Variants in TDRD15 observed in about 807,000 individuals in gnomAD.
TDRD15 encodes the protein tudor domain containing 15, also known as tudor domain-containing protein 15.
For synonymous variants in TDRD15, 503 were observed against 314.5 expected, an observed-to-expected ratio of 1.60 and a Z score of -6.34; for missense variants, 1,416 against 904.7, an observed-to-expected ratio of 1.57 and a Z score of -7.25.
Position 21,141,126 on chromosome 2 carries a change from T to G in TDRD15, c.3659T>G (p.Val1220Gly), listed in dbSNP as rs1339685411. The change falls in exon 4 of 4, where the codon GTG becomes GGG. Residue 1220 changes from valine to glycine, a missense_variant. Physicochemically the swap from Val to Gly is moderately radical, Grantham distance 109. Coordinates refer to ENST00000405799, the MANE Select transcript of TDRD15 (RefSeq NM_001306137.2). ...KPSVCYKMEP[V>G]SKNKMKTSLN... Reference sequence around the variant, plus strand: ...TCAGTTTGTTATAAAATGGAACCTGTGTCAAAAAACAAAATGAAGACTTCT... The same window carrying G: ...TCAGTTTGTTATAAAATGGAACCTGGGTCAAAAAACAAAATGAAGACTTCT... 8 of 711,158 alleles carry G rather than the reference T, an allele frequency of 1.1e-5. No homozygotes were observed. Among genetic ancestry groups the G allele is most frequent in the Non-Finnish European group, 2.1e-5 (8 of 382,878 alleles). 44.1% of individuals were successfully genotyped at this position (711,158 alleles called of 1,614,324 possible). A position where few individuals can be genotyped will look rare whatever the true frequency, so the allele number is the denominator to read the frequency against.
In TDRD15 at chr2:21,144,276, T is replaced by A. The variant is rs1572304883; in HGVS notation, c.*1004T>A. On this transcript the variant is annotated 3_prime_UTR_variant, in exon 4 of 4. Transcript: ENST00000405799. ...TTATCCACATTACATTCATTTTCTG[T>A]ATGGATTAGTTACTGAGGATTTTGT... Among the ~76,000 whole-genome samples the A allele has an allele frequency of 6.6e-6, 1 of 151,874 alleles. No homozygotes were observed. The highest frequency in any genetic ancestry group is 1.5e-5 in the Non-Finnish European group (1 of 67,816).
At position 21,139,386 on chromosome 2, in the gene TDRD15, A is replaced by G. The variant is rs567941264; in HGVS notation, c.1919A>G (p.Asn640Ser). ...IAKKDDKYTV[N>S]IQSVEASENI... ...AAAAAAGATGACAAGTACACTGTAA[A>G]TATTCAAAGTGTTGAAGCCTCAGAA... The change falls in exon 4 of 4, where the codon AAT (asparagine) becomes AGT (serine). Residue 640 changes from asparagine to serine, a missense_variant. Transcript: ENST00000405799. 4.1e-5 allele frequency: 29 copies of G among 710,896 alleles called. No individual in the cohort carries two copies. In the East Asian group the frequency reaches 6.7e-4, roughly 16 times the overall value. 44.0% of individuals were successfully genotyped at this position (710,896 alleles called of 1,614,324 possible). A position where few individuals can be genotyped will look rare whatever the true frequency, so the allele number is the denominator to read the frequency against.
At position 21,139,955 on chromosome 2, in the gene TDRD15, A is replaced by G. The variant is rs186200950; in HGVS notation, c.2488A>G (p.Ile830Val). Reference sequence around the variant, plus strand: ...GACTCAAGTATCAAAAGAAGTTGACATAGTGTTTGTTGATTATGGTTACCA... The same window carrying G: ...GACTCAAGTATCAAAAGAAGTTGACGTAGTGTTTGTTGATTATGGTTACCA... ...VLTQVSKEVD[I>V]VFVDYGYQKR... The change falls in exon 4 of 4, where the codon ATA becomes GTA. Residue 830 changes from isoleucine (I) to valine (V), a missense_variant. Physicochemically the swap from Ile to Val is conservative, Grantham distance 29. Coordinates refer to ENST00000405799, the MANE Select transcript of TDRD15 (RefSeq NM_001306137.2). The G allele has an allele frequency of 1.4e-6, 1 of 715,926 alleles. No individual in the cohort carries two copies. Among genetic ancestry groups the G allele is most frequent in the African/African-American group, 1.7e-5 (1 of 57,250 alleles). 44.3% of individuals were successfully genotyped at this position (715,926 alleles called of 1,614,324 possible). A position where few individuals can be genotyped will look rare whatever the true frequency, so the allele number is the denominator to read the frequency against.
At chr2:21,125,790 C>G (rs1297896777) in intron 1 of TDRD15, among the ~76,000 whole-genome samples, 1 of 152,116 alleles carries the variant, frequency 6.6e-6, no homozygotes, top group Non-Finnish European at 1.5e-5. Context: ...ACACTTTCCT[C>G]TATTTGTATA....
chr2:21,142,952 ATAAATCTTAAAGTTG>A lies in TDRD15; in HGVS notation c.5487_5501del (p.Asn1830_Val1834del). 1 of 702,326 alleles carries A rather than the reference ATAAATCTTAAAGTTG, an allele frequency of 1.4e-6. No homozygotes were observed. Among genetic ancestry groups the A allele is most frequent in the Non-Finnish European group, 2.6e-6 (1 of 380,380 alleles). The allele number at this position is 702,326 out of a possible 1,614,324, so 43.5% of individuals were successfully genotyped here. On this transcript the variant is annotated inframe_deletion, in exon 4 of 4. Transcript: ENST00000405799. ...TTTTTATATACGTTATTCAGAAATT[ATAAATCTTAAAGTTG>A]TTCCTGAGGAACTTTTGAATTTGCC...
downstream of TDRD15, among the ~76,000 whole-genome samples, chr2:21,145,718 A>C (rs1358388613): frequency 2.0e-5 from 3 of 152,000 alleles, no homozygotes; most frequent in Non-Finnish European, 4.4e-5. Flanking sequence ...AACGACATTA[A>C]AAATAACTGG....
At chr2:21,128,781 G>C (rs1366491188) in intron 2 of TDRD15, among the ~76,000 whole-genome samples, 2 of 149,882 alleles carry the variant, frequency 1.3e-5, no homozygotes, top group Non-Finnish European at 3.0e-5. Flanking sequence ...ATGGCATTTT[G>C]AAAAGAATTT....
Position 21,144,030 on chromosome 2 carries a change from TGCG to T in TDRD15, c.*759_*761del, listed in dbSNP as rs1665991908. On this transcript the variant is annotated 3_prime_UTR_variant, in exon 4 of 4. Coordinates refer to ENST00000405799, the MANE Select transcript of TDRD15 (RefSeq NM_001306137.2). The stretch of plus-strand genomic sequence containing the variant: ...ATCTTGCTATTATTAGTGAGCTTCC[TGCG>T]CTTATTTTGAAGAATCATTTTTCTG... 6.6e-6 allele frequency among the ~76,000 whole-genome samples: 1 copy of T among 151,742 alleles called. No homozygotes were observed. Among genetic ancestry groups the T allele is most frequent in the Non-Finnish European group, 1.5e-5 (1 of 67,754 alleles).
At chr2:21,128,639 A>G (rs1185661704) in intron 2 of TDRD15, among the ~76,000 whole-genome samples, 3 of 151,978 alleles carry the variant, frequency 2.0e-5, no homozygotes, top group Non-Finnish European at 4.4e-5. Context: ...TTTTCTGTAT[A>G]GCAATTTTAG....
In TDRD15 at chr2:21,140,012, A is replaced by G. The variant is rs920615891; in HGVS notation, c.2545A>G (p.Ile849Val). 2 of 715,854 alleles carry G rather than the reference A, an allele frequency of 2.8e-6. No homozygotes were observed. The highest frequency in any genetic ancestry group is 1.5e-5 in the South Asian group (1 of 67,524). The allele number at this position is 715,854 out of a possible 1,614,324, so 44.3% of individuals were successfully genotyped here. Residue 849 changes from isoleucine to valine, a missense_variant, in exon 4 of 4, where the codon ATT (isoleucine) becomes GTT (valine). Transcript: ENST00000405799. ...GGTTTTAATTGAAGATCTTTGTGCA[A>G]TTAACCCACGTTTTCTCTTGTTAGA... ...KRVLIEDLCAINPRFLLLESQ... is the reference protein window; with the variant it reads ...KRVLIEDLCAVNPRFLLLESQ...
At chr2:21,136,288 CATCTTTTT>C (rs1665805714) in intron 3 of TDRD15, among the ~76,000 whole-genome samples, 1 of 151,996 alleles carries the variant, frequency 6.6e-6, no homozygotes, top group Non-Finnish European at 1.5e-5. Flanking sequence ...ACTCCTCTTT[CATCTTTTT>C]ATCTTTTTCC....
rs2103446442 is a variant in TDRD15 at position 21,141,057 on chromosome 2, A to T, written c.3590A>T (p.Gln1197Leu). Residue 1197 changes from glutamine (Q) to leucine (L), a missense_variant, in exon 4 of 4, where the codon CAA (glutamine) becomes CTA (leucine). Physicochemically the swap from Gln to Leu is moderately radical, Grantham distance 113. Transcript: ENST00000405799. ...ACATATTCCGAAAGAAAAATAGACC[A>T]ATTGATGCATCCCAAAAATATACAT... ...PVTYSERKID[Q>L]LMHPKNIHAR... is the part of the protein sequence containing the mutation. 1 of 707,088 alleles carries T rather than the reference A, an allele frequency of 1.4e-6. No homozygotes were observed. Among genetic ancestry groups the T allele is most frequent in the Non-Finnish European group, 2.6e-6 (1 of 381,810 alleles). The allele number at this position is 707,088 out of a possible 1,614,324, so 43.8% of individuals were successfully genotyped here. A position where few individuals can be genotyped will look rare whatever the true frequency, so the allele number is the denominator to read the frequency against.
At chr2:21,146,165 TA>T (rs1666026350), downstream of TDRD15, among the ~76,000 whole-genome samples, 1 of 152,042 alleles carries the variant, frequency 6.6e-6, no homozygotes, top group African/African-American at 2.4e-5. Flanking sequence ...TAAAAACTCT[TA>T]GAATCTATTC....
At chr2:21,131,106 A>G in intron 2 of TDRD15, among the ~76,000 whole-genome samples, 1 of 152,192 alleles carries the variant, frequency 6.6e-6, no homozygotes, top group East Asian at 1.9e-4. Flanking sequence ...AACTGACAGT[A>G]TCTGTCAATG....
rs1665989787 is a variant in TDRD15, at chr2:21,143,963, T to C, written c.*691T>C. Among the ~76,000 whole-genome samples the C allele has an allele frequency of 2.0e-5, 3 of 151,844 alleles. No homozygotes were observed. In the South Asian group the frequency reaches 6.2e-4, roughly 32 times the overall value. ...GACGTTTCACAAATAATTTCAAGGG[T>C]TTCATAAAACTCCTAAATGTCTGTA... On this transcript the variant is annotated 3_prime_UTR_variant, in exon 4 of 4. Transcript: ENST00000405799.
At chr2:21,130,664 C>T (rs1389847388) in intron 2 of TDRD15, among the ~76,000 whole-genome samples, 1 of 151,990 alleles carries the variant, frequency 6.6e-6, no homozygotes, top group Non-Finnish European at 1.5e-5. Context: ...CGTGAATAAA[C>T]TTGGCATCTT....
At chr2:21,125,917 A>AT (rs1282198475) in intron 1 of TDRD15, among the ~76,000 whole-genome samples, 3 of 152,100 alleles carry the variant, frequency 2.0e-5, no homozygotes, top group Non-Finnish European at 4.4e-5. Flanking sequence ...GCCAATAGAA[A>AT]TTTTTTATTA....
Position 21,140,371 on chromosome 2 carries a change from A to C in TDRD15, c.2904A>C (p.Glu968Asp). ...ATATACAAATTGGAAGTGAAGAAGA[A>C]GTATATATATCTCACATATATAGTC... ...SFNIQIGSEE[E>D]VYISHIYSPQ... Residue 968 changes from glutamate to aspartate, a missense_variant, in exon 4 of 4, where the codon GAA becomes GAC. By Grantham distance (45) the Glu-to-Asp change is conservative (BLOSUM62 2). Coordinates refer to ENST00000405799, the MANE Select transcript of TDRD15 (RefSeq NM_001306137.2). The C allele has an allele frequency of 1.4e-6, 1 of 705,040 alleles. No homozygotes were observed. 43.7% of individuals were successfully genotyped at this position (705,040 alleles called of 1,614,324 possible). A position where few individuals can be genotyped will look rare whatever the true frequency, so the allele number is the denominator to read the frequency against.
rs750572471 is a variant in TDRD15 at position 21,142,157 on chromosome 2, GA to G, written c.4698del (p.Lys1566AsnfsTer14). The G allele has an allele frequency of 1.4e-5, 9 of 666,404 alleles. No individual in the cohort carries two copies. The highest frequency in any genetic ancestry group is 6.9e-5 in the South Asian group (4 of 57,774). 41.3% of individuals were successfully genotyped at this position (666,404 alleles called of 1,614,324 possible). A position where few individuals can be genotyped will look rare whatever the true frequency, so the allele number is the denominator to read the frequency against. On this transcript the variant is annotated frameshift_variant, in exon 4 of 4. Transcript: ENST00000405799. LOFTEE classifies it low-confidence loss of function (END_TRUNC). ...TTTAATAGTATTAATTACGAAAGAAGAAAAAAAATCCCCTTTTTTATCAATG... is the reference window on the plus strand; with the variant it reads ...TTTAATAGTATTAATTACGAAAGAAGAAAAAAATCCCCTTTTTTATCAATG... ...SDLIVLITKE[E>X]KKSPFLSMES...
Sources: allele counts gnomAD v4.1 joint callset (sites outside exome capture counted in the v4.1 genomes callset), GRCh38; gene constraint gnomAD v4.1.1; transcripts MANE v1.5; gene names NCBI Gene and HGNC (gene_info 2026-07-23, HGNC 2026-07-21).